ABL1: variants seen among roughly 807,000 people sequenced by gnomAD.
ABL1 encodes the protein tyrosine-protein kinase ABL1.
In ABL1, 11 loss-of-function variants were observed where a neutral mutation model predicts 94.7. The observed-to-expected ratio is 0.12, with a 90% CI of 0.07 to 0.19. ABL1 has a LOEUF of 0.19. Among genes scored for constraint, ABL1 ranks in the 10% least tolerant of loss-of-function variants. The pLI, the probability that ABL1 is intolerant of heterozygous loss-of-function variation, is 1.00. For synonymous variants in ABL1, 656 were observed against 622.4 expected, an observed-to-expected ratio of 1.05 and a Z score of -0.80; for missense variants, 1,082 against 1,489.4, an observed-to-expected ratio of 0.73 and a Z score of 4.50.
intron 1 of ABL1, among the ~76,000 whole-genome samples, chr9:130,747,078 C>G (rs1409848212): frequency 6.6e-6 from 1 of 152,144 alleles, no homozygotes; most frequent in African/African-American, 2.4e-5. Context: ...TCAAGTCTCC[C>G]TCAGGCTGGG....
In ABL1 at chr9:130,814,787, G is replaced by A. The variant is rs554555138; in HGVS notation, c.137-39277G>A. 4.7e-4 allele frequency among the ~76,000 whole-genome samples: 72 copies of A among 152,190 alleles called. No homozygotes were observed. The highest frequency in any genetic ancestry group is 1.5e-3 in the Admixed American group (23 of 15,280). On this transcript the variant is annotated intron_variant, in intron 1 of 10. Transcript: ENST00000372348. This position sits in a 1 kb window ranked among gnomAD's most constrained non-coding sequence, Gnocchi z 4.4. The stretch of plus-strand genomic sequence containing the variant: ...AGCTACTCAGGAGGCTGAGGCAGGA[G>A]AATGGCTTGAACCTGGGAGGCGGAG...
intron 1 of ABL1, among the ~76,000 whole-genome samples, chr9:130,819,150 G>A (rs1158373529): frequency 6.6e-6 from 1 of 152,060 alleles, no homozygotes; most frequent in Non-Finnish European, 1.5e-5. Flanking sequence ...TCAGGAGTTC[G>A]AGACCAGCCT....
chr9:130,722,409 G>T (rs184190566), intron 1 of ABL1, among the ~76,000 whole-genome samples: 2 of 152,094 alleles, frequency 1.3e-5, no homozygotes, highest in South Asian at 2.1e-4. Flanking sequence ...AAATAAAAAG[G>T]TTATTTGGAA....
At position 130,885,548 on chromosome 9, in the gene ABL1, C is replaced by T. The variant is rs373305539; in HGVS notation, c.3258C>T (p.Ala1086=). 8 of 1,614,122 alleles carry T rather than the reference C, an allele frequency of 5.0e-6. No individual in the cohort carries two copies. In the Admixed American group the frequency reaches 1.2e-4, roughly 24 times the overall value. The change falls in exon 11 of 11, where the codon GCC becomes GCT. Residue 1086 remains alanine (A), a synonymous_variant. Coordinates refer to ENST00000318560, the MANE Select transcript of ABL1 (RefSeq NM_005157.6). The stretch of plus-strand genomic sequence containing the variant: ...GGAACAAGTTTGCCTTCCGAGAGGC[C>T]ATCAACAAACTGGAGAATAATCTCC... ...QMRNKFAFRE[A]INKLENNLRE...
chr9:130,753,732 CCT>C (rs1421568185), intron 1 of ABL1, among the ~76,000 whole-genome samples: 4 of 151,592 alleles, frequency 2.6e-5, no homozygotes, highest in Non-Finnish European at 1.5e-5. Flanking sequence ...GGCCTCATCT[CCT>C]CTTAAATGTC....
intron 1 of ABL1, among the ~76,000 whole-genome samples, chr9:130,844,674 G>A (rs944970065): frequency 2.6e-5 from 4 of 152,018 alleles, no homozygotes; most frequent in South Asian, 2.1e-4. Context: ...GGTGGTAGGC[G>A]CCTGTAATCC....
chr9:130,837,239 C>A (rs1830602884), intron 1 of ABL1, among the ~76,000 whole-genome samples: 1 of 152,198 alleles, frequency 6.6e-6, no homozygotes, highest in African/African-American at 2.4e-5. Flanking sequence ...TCAATTAATA[C>A]ATCGCTTATT....
At chr9:130,859,808 G>C (rs993703188) in intron 3 of ABL1, among the ~76,000 whole-genome samples, 1 of 144,090 alleles carries the variant, frequency 6.9e-6, no homozygotes, top group Non-Finnish European at 1.5e-5. Context: ...AGCCTCTCAA[G>C]TAGCTGAGAC....
Position 130,872,871 on chromosome 9 carries a change from C to A in ABL1, c.919C>A (p.Arg307=), listed in dbSNP as rs773215910. 1 of 1,610,986 alleles carries A rather than the reference C, an allele frequency of 6.2e-7. No individual in the cohort carries two copies. Among genetic ancestry groups the A allele is most frequent in the Non-Finnish European group, 8.5e-7 (1 of 1,177,588 alleles). The change falls in exon 6 of 11, where the codon CGG becomes AGG. Residue 307 remains arginine, a synonymous_variant. Transcript: ENST00000318560. The surrounding 1 kb of genome is among the most constrained non-coding windows in gnomAD (Gnocchi z 5.0). Reference sequence around the variant, plus strand: ...TGTCTTGTTGGCAGGGGTCTGCACCCGGGAGCCCCCGTTCTATATCATCAC... The same window carrying A: ...TGTCTTGTTGGCAGGGGTCTGCACCAGGGAGCCCCCGTTCTATATCATCAC... ...NLVQLLGVCT[R]EPPFYIITEF...
Position 130,886,367 on chromosome 9 carries a change from T to A in ABL1, c.*684T>A. Reference sequence around the variant, plus strand: ...CTTTGGGTCCTGGGCAGGTGGGAGCTGAAAAGGATCGAGGCATGGGGCATG... The same window carrying A: ...CTTTGGGTCCTGGGCAGGTGGGAGCAGAAAAGGATCGAGGCATGGGGCATG... On this transcript the variant is annotated 3_prime_UTR_variant, in exon 11 of 11. Transcript: ENST00000318560. 4.3e-6 allele frequency: 1 copy of A among 234,066 alleles called. No homozygotes were observed. The highest frequency in any genetic ancestry group is 6.0e-5 in the East Asian group (1 of 16,586). 14.5% of individuals were successfully genotyped at this position (234,066 alleles called of 1,614,324 possible).
intron 1 of ABL1, among the ~76,000 whole-genome samples, chr9:130,820,524 C>G (rs146453322): frequency 7.3e-5 from 11 of 151,660 alleles, no homozygotes; most frequent in African/African-American, 2.7e-4. Context: ...TACAACCTTC[C>G]CCTCACACAC....
Position 130,884,390 on chromosome 9 carries a change from C to T in ABL1, c.2100C>T (p.Thr700=), listed in dbSNP as rs374980809. The T allele has an allele frequency of 1.3e-4, 211 of 1,611,924 alleles. 2 individuals are homozygous for T. The highest frequency in any genetic ancestry group is 1.1e-3 in the South Asian group (101 of 91,052). The change falls in exon 11 of 11, where the codon ACC becomes ACT. Residue 700 remains threonine, a synonymous_variant. Coordinates refer to ENST00000318560, the MANE Select transcript of ABL1 (RefSeq NM_005157.6). The surrounding 1 kb of genome is among the most constrained non-coding windows in gnomAD (Gnocchi z 5.6). ...CGCTGACCAGCAGCCGCCTAGCCACCGGCGAGGAGGAGGGCGGTGGCAGCT... is the reference window on the plus strand; with the variant it reads ...CGCTGACCAGCAGCCGCCTAGCCACTGGCGAGGAGGAGGGCGGTGGCAGCT... The part of the protein sequence containing the change: ...SSTLTSSRLA[T]GEEEGGGSSS...
intron 4 of ABL1, among the ~76,000 whole-genome samples, chr9:130,866,404 C>T (rs1338795079): frequency 6.6e-6 from 1 of 152,296 alleles, no homozygotes; most frequent in South Asian, 2.1e-4. Flanking sequence ...TTTGTGGCTA[C>T]GATCTACCTT....
chr9:130,780,404 T>C (rs1026994700), intron 1 of ABL1, among the ~76,000 whole-genome samples: 4 of 152,192 alleles, frequency 2.6e-5, no homozygotes, highest in African/African-American at 9.6e-5. Context: ...GATGCTGAGG[T>C]TATCTGGATC....
At chr9:130,883,859 C>A in intron 10 of ABL1, 110 bp from the exon 11 acceptor site, 1 of 1,344,342 alleles carries the variant, frequency 7.4e-7, no homozygotes, top group Non-Finnish European at 1.0e-6. Flanking sequence ...CTCACTCTGT[C>A]TCCTGGGCTG....
At chr9:130,740,418 C>T (rs1002323282) in intron 1 of ABL1, among the ~76,000 whole-genome samples, 1 of 152,192 alleles carries the variant, frequency 6.6e-6, no homozygotes, top group Non-Finnish European at 1.5e-5. Context: ...GGCAAAGATT[C>T]CAAAGGCGCC....
intron 1 of ABL1, among the ~76,000 whole-genome samples, chr9:130,828,788 CA>C (rs938447117): frequency 2.0e-5 from 3 of 151,430 alleles, no homozygotes; most frequent in African/African-American, 4.9e-5. Flanking sequence ...AGAAAGAAAA[CA>C]AAAAAATAAT....
intron 10 of ABL1, among the ~76,000 whole-genome samples, chr9:130,881,599 TCTC>T (rs1387907519): frequency 6.6e-6 from 1 of 152,140 alleles, no homozygotes; most frequent in Non-Finnish European, 1.5e-5. Context: ...GATTCATTGA[TCTC>T]CACCTGACCC....
In ABL1 at chr9:130,884,610, C is replaced by A; in HGVS notation, c.2320C>A (p.Gln774Lys). 1 of 1,613,386 alleles carries A rather than the reference C, an allele frequency of 6.2e-7. No homozygotes were observed. Among genetic ancestry groups the A allele is most frequent in the South Asian group, 1.1e-5 (1 of 91,086 alleles). The change falls in exon 11 of 11, where the codon CAG (glutamine) becomes AAG (lysine). Residue 774 changes from glutamine to lysine, a missense_variant. By Grantham distance (53) the Gln-to-Lys change is moderately conservative (BLOSUM62 1). Coordinates refer to ENST00000318560, the MANE Select transcript of ABL1 (RefSeq NM_005157.6). The surrounding 1 kb of genome is among the most constrained non-coding windows in gnomAD (Gnocchi z 5.6). ...GAGGGCAGGGGAGAACAGGTCTGAC[C>A]AGGTGACCCGAGGCACAGTAACGCC... ...RKRAGENRSD[Q>K]VTRGTVTPPP...
Sources: allele counts gnomAD v4.1 joint callset (sites outside exome capture counted in the v4.1 genomes callset), GRCh38; gene constraint gnomAD v4.1.1; non-coding constraint Gnocchi (gnomAD v3.1); transcripts MANE v1.5; gene names NCBI Gene and HGNC (gene_info 2026-07-23, HGNC 2026-07-21).